EXOC3L4: variants seen among roughly 807,000 people sequenced by gnomAD.
The protein encoded by EXOC3L4 is exocyst complex component 3-like protein 4.
Under a neutral mutation model 69.7 loss-of-function variants are expected in EXOC3L4, and 62 were observed. That is an observed-to-expected ratio of 0.89 (90% CI 0.72 to 1.10). The LOEUF is 1.10. Ranked by LOEUF, EXOC3L4 falls within the 50% of genes least tolerant of loss-of-function variation. The probability of loss-of-function intolerance (pLI) is 0.00; values close to 1 mark genes in which losing one functional copy is unlikely to be tolerated. For synonymous variants in EXOC3L4, 502 were observed against 464.2 expected (o/e 1.08, Z -1.05); for missense variants, 1,087 against 1,034.8 (o/e 1.05, Z -0.69).
chr14:103,102,586 G>C lies in EXOC3L4; in HGVS notation c.863G>C (p.Arg288Pro). Residue 288 changes from arginine (R) to proline (P), a missense_variant, in exon 3 of 12, where the codon CGC becomes CCC. Arg to Pro is a moderately radical substitution (Grantham distance 103). Transcript: ENST00000688303. ...GCCGAGCTGGGTGGCTTGGTTCGCC[G>C]CGACCTGCAGAAGGTGCGGCAGGAG... ...LLAELGGLVR[R>P]DLQKVRQEVQ... 1 of 1,470,168 alleles carries C rather than the reference G, an allele frequency of 6.8e-7. No homozygotes were observed. The highest frequency in any genetic ancestry group is 9.0e-7 in the Non-Finnish European group (1 of 1,114,142). The allele number at this position is 1,470,168 out of a possible 1,614,324, so 91.1% of individuals were successfully genotyped here.
At position 103,103,970 on chromosome 14, in the gene EXOC3L4, C is replaced by A; in HGVS notation, c.1079C>A (p.Ala360Glu). The A allele has an allele frequency of 6.5e-7, 1 of 1,549,350 alleles. No homozygotes were observed. Among genetic ancestry groups the A allele is most frequent in the South Asian group, 1.2e-5 (1 of 85,010 alleles). The change falls in exon 4 of 12, where the codon GCG becomes GAG. Residue 360 changes from alanine (A) to glutamate (E), a missense_variant. Ala to Glu is a moderately radical substitution (Grantham distance 107, BLOSUM62 -1). Transcript: ENST00000688303. Reference sequence around the variant, plus strand: ...GACTTCCTGGGCGCCCCGGGGCTGGCGCTGCCCGCCGAGCCGCTGCCTCCG... The same window carrying A: ...GACTTCCTGGGCGCCCCGGGGCTGGAGCTGCCCGCCGAGCCGCTGCCTCCG... ...SPDFLGAPGL[A>E]LPAEPLPPLL...
At chr14:103,106,717 G>A (rs926765623) in intron 7 of EXOC3L4, 68 bp from the exon 8 acceptor site, 2 of 953,648 alleles carry the variant, frequency 2.1e-6, no homozygotes, top group Non-Finnish European at 3.1e-6. Flanking sequence ...GTGGAGCTGT[G>A]TGCCCGGCTC....
In EXOC3L4 at chr14:103,102,589, A is replaced by G; in HGVS notation, c.866A>G (p.Asp289Gly). 1 of 1,475,042 alleles carries G rather than the reference A, an allele frequency of 6.8e-7. No individual in the cohort carries two copies. The highest frequency in any genetic ancestry group is 9.0e-7 in the Non-Finnish European group (1 of 1,116,372). 91.4% of individuals were successfully genotyped at this position (1,475,042 alleles called of 1,614,324 possible). ...LAELGGLVRRDLQKVRQEVQP... is the reference protein window; with the variant it reads ...LAELGGLVRRGLQKVRQEVQP... ...GAGCTGGGTGGCTTGGTTCGCCGCG[A>G]CCTGCAGAAGGTGCGGCAGGAGGTG... The change falls in exon 3 of 12, where the codon GAC (aspartate) becomes GGC (glycine). Residue 289 changes from aspartate (D) to glycine (G), a missense_variant. Physicochemically the swap from Asp to Gly is moderately conservative, Grantham distance 94 (BLOSUM62 -1). Transcript: ENST00000688303.
chr14:103,099,530 C>T (rs1890057252), intron 1 of EXOC3L4, among the ~76,000 whole-genome samples: 2 of 152,194 alleles, frequency 1.3e-5, no homozygotes, highest in Non-Finnish European at 2.9e-5. Flanking sequence ...AATATAGACC[C>T]GAGGCTCCTC....
chr14:103,106,767 G>A lies in EXOC3L4; in HGVS notation c.1467-18G>A. The A allele has an allele frequency of 1.3e-6, 2 of 1,529,574 alleles. No individual in the cohort carries two copies. Among genetic ancestry groups the A allele is most frequent in the Non-Finnish European group, 1.8e-6 (2 of 1,128,752 alleles). The allele number at this position is 1,529,574 out of a possible 1,614,324, so 94.8% of individuals were successfully genotyped here. ...GTCTCCCTTGCCCACCTCATCGCTG[G>A]TCCTGGCCCCTCCCCAGGACCAGTC... On this transcript the variant is annotated intron_variant, in intron 7 of 11. Transcript: ENST00000688303.
chr14:103,100,697 G>C, intron 2 of EXOC3L4, 84 bp downstream of exon 2: 2 of 1,455,002 alleles, frequency 1.4e-6, no homozygotes, highest in Non-Finnish European at 1.8e-6. Flanking sequence ...CGGAAAGGCT[G>C]TCCTCCCTAG....
chr14:103,095,147 G>A (rs1191612125), intron 1 of EXOC3L4, among the ~76,000 whole-genome samples: 4 of 152,194 alleles, frequency 2.6e-5, no homozygotes, highest in Non-Finnish European at 5.9e-5. Flanking sequence ...GCACATACAG[G>A]GAGACACTCT....
Position 103,106,788 on chromosome 14 carries a change from C to G in EXOC3L4, c.1470C>G (p.Thr490=), listed in dbSNP as rs1398509655. The stretch of plus-strand genomic sequence containing the variant: ...GCTGGTCCTGGCCCCTCCCCAGGAC[C>G]AGTCTTCTCTCCAGGTTCCCAGGAA... ...AYINACEELR[T]SLLSRFPGTQ... is the part of the protein sequence containing the mutation. Residue 490 remains threonine (T), a synonymous_variant, in exon 8 of 12, where the codon ACC becomes ACG. Transcript: ENST00000688303. 5.7e-6 allele frequency: 9 copies of G among 1,576,272 alleles called. No homozygotes were observed. The South Asian group carries it at 6.9e-5, about 12-fold the overall frequency.
chr14:103,104,500 T>C, intron 5 of EXOC3L4, 111 bp downstream of exon 5: 13 of 1,391,938 alleles, frequency 9.3e-6, no homozygotes, highest in Non-Finnish European at 1.2e-5. Context: ...TTCCGTTAGA[T>C]GGGAGCCTGA....
intron 7 of EXOC3L4, among the ~76,000 whole-genome samples, chr14:103,105,782 G>T (rs959786604): frequency 1.4e-4 from 21 of 152,344 alleles, no homozygotes; most frequent in African/African-American, 5.1e-4. Context: ...AGCAGATGCG[G>T]CAGCGCCAGA....
At position 103,107,961 on chromosome 14, in the gene EXOC3L4, C is replaced by T. The variant is rs550481031; in HGVS notation, c.1854+178C>T. On this transcript the variant is annotated intron_variant, in intron 10 of 11. Coordinates refer to ENST00000688303, the MANE Select transcript of EXOC3L4 (RefSeq NM_001077594.2). ...GGGTGGAGGGAACCAGGTGGGAGGG[C>T]GGCACTTTGCATACATTTGCATACA... Among the ~76,000 whole-genome samples the T allele has an allele frequency of 3.0e-4, 45 of 152,050 alleles. 1 individual carries two copies. In the East Asian group the frequency reaches 7.8e-3, roughly 26 times the overall value.
chr14:103,110,474 G>C lies in EXOC3L4; in HGVS notation c.*251G>C, dbSNP rs897962245. On this transcript the variant is annotated 3_prime_UTR_variant, in exon 12 of 12. Coordinates refer to ENST00000688303, the MANE Select transcript of EXOC3L4 (RefSeq NM_001077594.2). ...CAATGCTGCCTATCGGGCGGGGGGG[G>C]GCCTCCCGCCCGACTGTCCAGCTTC... 4.8e-6 allele frequency: 3 copies of C among 628,106 alleles called. No individual in the cohort carries two copies. Among genetic ancestry groups the C allele is most frequent in the Middle Eastern group, 2.5e-4 (1 of 3,950 alleles). 38.9% of individuals were successfully genotyped at this position (628,106 alleles called of 1,614,324 possible). A position where few individuals can be genotyped will look rare whatever the true frequency, so the allele number is the denominator to read the frequency against.
In EXOC3L4 at chr14:103,107,472, C is replaced by G. The variant is rs1566952472; in HGVS notation, c.1630C>G (p.Leu544Val). 1 of 1,613,922 alleles carries G rather than the reference C, an allele frequency of 6.2e-7. No homozygotes were observed. Among genetic ancestry groups the G allele is most frequent in the East Asian group, 2.2e-5 (1 of 44,878 alleles). Residue 544 changes from leucine (L) to valine (V), a missense_variant, in exon 9 of 12, where the codon CTG becomes GTG. Coordinates refer to ENST00000688303, the MANE Select transcript of EXOC3L4 (RefSeq NM_001077594.2). ...CTRDWLTQDW[L>V]HPLMDKVVTF... ...CAGGGACTGGCTGACGCAGGACTGG[C>G]TGCATCCCCTCATGGACAAGGTGGT...
chr14:103,108,248 G>A (rs1890688592), intron 10 of EXOC3L4, 148 bp from the exon 11 acceptor site: 3 of 1,241,342 alleles, frequency 2.4e-6, no homozygotes, highest in East Asian at 2.4e-5. Context: ...TCTGTTTTGG[G>A]GGAGGCAGTC....
chr14:103,102,830 T>C lies in EXOC3L4; in HGVS notation c.1049+58T>C, dbSNP rs542540073. ...ACAGCTGCCGCTTCCTCCGCAGGCC[T>C]TGGGGAGCCGGCTTTGAGGAGCACC... On this transcript the variant is annotated intron_variant, in intron 3 of 11. Coordinates refer to ENST00000688303, the MANE Select transcript of EXOC3L4 (RefSeq NM_001077594.2). The C allele has an allele frequency of 2.5e-4, 321 of 1,309,488 alleles. 7 individuals carry two copies. The South Asian group carries it at 5.9e-3, about 24-fold the overall frequency. The allele number at this position is 1,309,488 out of a possible 1,614,324, so 81.1% of individuals were successfully genotyped here.
In EXOC3L4 at chr14:103,102,498, C is replaced by T; in HGVS notation, c.775C>T (p.Arg259Trp). The T allele has an allele frequency of 7.2e-7, 1 of 1,380,530 alleles. No individual in the cohort carries two copies. Among genetic ancestry groups the T allele is most frequent in the Non-Finnish European group, 9.3e-7 (1 of 1,074,202 alleles). 85.5% of individuals were successfully genotyped at this position (1,380,530 alleles called of 1,614,324 possible). The part of the protein sequence containing the change: ...VRRSAQERVR[R>W]PGAGWAFGEA... The stretch of plus-strand genomic sequence containing the variant: ...GCGAAGCGCTCAGGAGCGCGTGCGG[C>T]GGCCGGGCGCGGGGTGGGCCTTCGG... The change falls in exon 3 of 12, where the codon CGG (arginine) becomes TGG (tryptophan). Residue 259 changes from arginine to tryptophan, a missense_variant. Arg to Trp is a moderately radical substitution (Grantham distance 101, BLOSUM62 -3). Coordinates refer to ENST00000688303, the MANE Select transcript of EXOC3L4 (RefSeq NM_001077594.2).
At chr14:103,105,458 CGT>C (rs1489891487) in intron 7 of EXOC3L4, among the ~76,000 whole-genome samples, 1 of 151,384 alleles carries the variant, frequency 6.6e-6, no homozygotes, top group Non-Finnish European at 1.5e-5. Context: ...AGCCTAGATG[CGT>C]GTGTCTTGTG....
intron 7 of EXOC3L4, 33 bp downstream of exon 7, chr14:103,105,105 G>T (rs770281293): frequency 6.4e-7 from 1 of 1,572,588 alleles, no homozygotes; most frequent in Non-Finnish European, 8.6e-7. Flanking sequence ...CGGGCGCAGC[G>T]TGGCCAGCAG....
At position 103,100,252 on chromosome 14, in the gene EXOC3L4, G is replaced by T; in HGVS notation, c.33G>T (p.Pro11=). The change falls in exon 2 of 12, where the codon CCG becomes CCT. Residue 11 remains proline (P), a synonymous_variant. Transcript: ENST00000688303. MPSPQTDTPG[P]ELQSPKEAEE... ...CACCACAGACAGACACTCCTGGGCC[G>T]GAGCTGCAGAGTCCCAAGGAGGCTG... The T allele has an allele frequency of 6.3e-7, 1 of 1,579,232 alleles. No homozygotes were observed.
Sources: allele counts gnomAD v4.1 joint callset (sites outside exome capture counted in the v4.1 genomes callset), GRCh38; gene constraint gnomAD v4.1.1; transcripts MANE v1.5; gene names NCBI Gene and HGNC (gene_info 2026-07-23, HGNC 2026-07-21).